The following PSMD7 variants were observed in gnomAD, a reference collection of about 807,000 sequenced individuals.
The protein encoded by PSMD7 is 26S proteasome non-ATPase regulatory subunit 7.
PSMD7 carries 13 observed loss-of-function variants against 36.4 expected under a neutral mutation model. That is an observed-to-expected ratio of 0.36 (90% CI 0.23 to 0.57). PSMD7 has a LOEUF of 0.57. PSMD7 is among the 20% of genes least tolerant of loss of function. The pLI is 0.83. For synonymous variants in PSMD7, 186 were observed against 151.0 expected, an observed-to-expected ratio of 1.23 and a Z score of -1.70; for missense variants, 298 against 393.6, an observed-to-expected ratio of 0.76 and a Z score of 2.06.
intron 1 of PSMD7, 84 bp downstream of exon 1, chr16:74,297,072 C>T: frequency 6.9e-7 from 1 of 1,445,462 alleles, no homozygotes; most frequent in Admixed American, 2.0e-5. Flanking sequence ...CGGCCGCGGA[C>T]GAGCTGGGGA....
chr16:74,305,102 G>A, intron 6 of PSMD7, 187 bp from the exon 7 acceptor site: 1 of 748,152 alleles, frequency 1.3e-6, no homozygotes, highest in Non-Finnish European at 2.0e-6. Context: ...GATAAAATGT[G>A]TTCCAAATGA....
chr16:74,304,576 A>C (rs902261068), intron 6 of PSMD7, 182 bp downstream of exon 6: 73 of 541,292 alleles, frequency 1.3e-4, no homozygotes, highest in Admixed American at 6.5e-5. Flanking sequence ...TGTAAATTGA[A>C]GTGTTTGAAC....
chr16:74,305,026 G>T, intron 6 of PSMD7: 1 of 422,240 alleles, frequency 2.4e-6, no homozygotes, highest in African/African-American at 2.0e-5. Context: ...TTTTCCTTAA[G>T]TGGAAATGGT....
intron 2 of PSMD7, 64 bp downstream of exon 2, chr16:74,300,270 T>C (rs1040733752): frequency 4.2e-6 from 6 of 1,436,314 alleles, no homozygotes; most frequent in Middle Eastern, 3.5e-4. Flanking sequence ...TTTAAAAATA[T>C]AAACCTTTGT....
chr16:74,296,884 G>T lies in PSMD7; in HGVS notation c.-31G>T, dbSNP rs751027831. The T allele has an allele frequency of 8.7e-6, 14 of 1,610,708 alleles. No homozygotes were observed. Among genetic ancestry groups the T allele is most frequent in the Admixed American group, 8.4e-5 (5 of 59,590 alleles). ...GCTGCCGGTGTTTGCGTGTGGCAGGGAGCCAGGCCTGGCGAGCGGGGTGTG... is the reference window on the plus strand; with the variant it reads ...GCTGCCGGTGTTTGCGTGTGGCAGGTAGCCAGGCCTGGCGAGCGGGGTGTG... On this transcript the variant is annotated 5_prime_UTR_variant, in exon 1 of 7. Coordinates refer to ENST00000219313, the MANE Select transcript of PSMD7 (RefSeq NM_002811.5).
At chr16:74,297,017 C>G in intron 1 of PSMD7, 29 bp downstream of exon 1, 1 of 1,600,108 alleles carries the variant, frequency 6.2e-7, no homozygotes, top group South Asian at 1.1e-5. Flanking sequence ...GCTGGGCCGG[C>G]GGCGCAGCCG....
rs537691210 is a variant in PSMD7, at chr16:74,303,728, CT to C, written c.439-562del. Among the ~76,000 whole-genome samples, 997 of 145,134 alleles carry C rather than the reference CT, an allele frequency of 6.9e-3. 3 individuals carry two copies. Among genetic ancestry groups the C allele is most frequent in the Middle Eastern group, 0.021 (6 of 286 alleles). On this transcript the variant is annotated intron_variant, in intron 5 of 6. Transcript: ENST00000219313. ...TGTCCATTCTAGAAAGAACTATATA[CT>C]TTTTTTTTTTTTAAGACAATCTCAC...
intron 6 of PSMD7, chr16:74,305,005 A>G (rs1005786797): frequency 2.8e-6 from 1 of 353,082 alleles, no homozygotes; most frequent in Non-Finnish European, 5.1e-6. Flanking sequence ...CTGTTGACCT[A>G]AGCAATTTTT....
In PSMD7 at chr16:74,305,774, C is replaced by T; in HGVS notation, c.*41C>T. The T allele has an allele frequency of 2.1e-6, 3 of 1,409,294 alleles. No individual in the cohort carries two copies. In the South Asian group the frequency reaches 5.0e-5, roughly 24 times the overall value. The allele number at this position is 1,409,294 out of a possible 1,614,324, so 87.3% of individuals were successfully genotyped here. A position where few individuals can be genotyped will look rare whatever the true frequency, so the allele number is the denominator to read the frequency against. On this transcript the variant is annotated 3_prime_UTR_variant, in exon 7 of 7. Transcript: ENST00000219313. The stretch of plus-strand genomic sequence containing the variant: ...GCTTTTTTAATTTGTAAATTAAAAT[C>T]TTACAAACTAAATCAGTGTGCTGCT...
intron 3 of PSMD7, 51 bp from the exon 4 acceptor site, chr16:74,301,504 G>T (rs767330139): frequency 6.0e-6 from 8 of 1,343,764 alleles, no homozygotes; most frequent in Non-Finnish European, 8.5e-6. Context: ...TGAGGGAGTT[G>T]TATAGATCTT....
chr16:74,302,332 A>T, intron 5 of PSMD7, 40 bp downstream of exon 5: 2 of 1,497,396 alleles, frequency 1.3e-6, no homozygotes, highest in Admixed American at 1.9e-5. Context: ...TTAGACTGCT[A>T]CTTATTGGGT....
rs772276586 is a variant in PSMD7, at chr16:74,305,485, CAGG to C, written c.730_732del (p.Glu244del). 3 of 1,614,124 alleles carry C rather than the reference CAGG, an allele frequency of 1.9e-6. No homozygotes were observed. The highest frequency in any genetic ancestry group is 2.2e-5 in the South Asian group (2 of 91,076). On this transcript the variant is annotated inframe_deletion, in exon 7 of 7. Coordinates refer to ENST00000219313, the MANE Select transcript of PSMD7 (RefSeq NM_002811.5). ...CAACCTGCTGCCAGATGTCAGCCTG[CAGG>C]AGTTCGTCAAGGCCTTTTACCTGAA...
rs2034190792 is a variant in PSMD7 at position 74,305,688 on chromosome 16, G to A, written c.930G>A (p.Lys310=). 2.0e-6 allele frequency: 3 copies of A among 1,485,244 alleles called. No homozygotes were observed. Among genetic ancestry groups the A allele is most frequent in the Admixed American group, 2.4e-5 (1 of 41,338 alleles). 92.0% of individuals were successfully genotyped at this position (1,485,244 alleles called of 1,614,324 possible). ...AGGACAAGGAGAAAGATAAAGATAA[G>A]GAAAAGAGTGATGTAAAGAAAGAGG... The part of the protein sequence containing the change: ...RKEDKEKDKD[K]EKSDVKKEEK... The change falls in exon 7 of 7, where the codon AAG becomes AAA. Residue 310 remains lysine, a synonymous_variant. Transcript: ENST00000219313.
intron 2 of PSMD7, 51 bp from the exon 3 acceptor site, chr16:74,301,001 G>A: frequency 2.6e-6 from 3 of 1,135,202 alleles, no homozygotes; most frequent in Non-Finnish European, 4.0e-6. Context: ...TGTGACCTGT[G>A]TTCTAGGTTT....
intron 1 of PSMD7, among the ~76,000 whole-genome samples, chr16:74,298,351 A>C (rs1191212606): frequency 6.6e-6 from 1 of 152,156 alleles, no homozygotes; most frequent in South Asian, 2.1e-4. Context: ...TTGAATTGGC[A>C]AATGTAAAGA....
chr16:74,305,253 C>T lies in PSMD7; in HGVS notation c.531-36C>T, dbSNP rs1008395402. The T allele has an allele frequency of 1.9e-6, 3 of 1,565,586 alleles. No individual in the cohort carries two copies. In the African/African-American group the frequency reaches 4.1e-5, roughly 21 times the overall value. On this transcript the variant is annotated intron_variant, in intron 6 of 6. Transcript: ENST00000219313. Reference sequence around the variant, plus strand: ...TGCCTGATAACATGGTACCCTGATGCCTTTTCCTGCCCTTTTTAACTGTGG... The same window carrying T: ...TGCCTGATAACATGGTACCCTGATGTCTTTTCCTGCCCTTTTTAACTGTGG...
intron 1 of PSMD7, among the ~76,000 whole-genome samples, chr16:74,298,176 A>C (rs978876406): frequency 6.6e-5 from 10 of 150,626 alleles, no homozygotes; most frequent in Non-Finnish European, 1.5e-4. Flanking sequence ...AAAAAAAAAA[A>C]GACCAGTTGG....
At chr16:74,298,730 C>T (rs1012996975) in intron 1 of PSMD7, among the ~76,000 whole-genome samples, 1 of 152,014 alleles carries the variant, frequency 6.6e-6, no homozygotes, top group South Asian at 2.1e-4. Context: ...AAAAATTAGC[C>T]AGGTGTGGTG....
chr16:74,301,033 C>CTTT lies in PSMD7; in HGVS notation c.167-12_167-10dup. The CTTT allele has an allele frequency of 6.5e-7, 1 of 1,544,170 alleles. No homozygotes were observed. The highest frequency in any genetic ancestry group is 8.9e-7 in the Non-Finnish European group (1 of 1,119,832). ...GTTTCTATCAAGCACCCTAAACTAA[C>CTTT]TTTTTTTTTCCTCTTTAGTTCCTTT... On this transcript the variant is annotated intron_variant, in intron 2 of 6. Coordinates refer to ENST00000219313, the MANE Select transcript of PSMD7 (RefSeq NM_002811.5).
Sources: allele counts gnomAD v4.1 joint callset (sites outside exome capture counted in the v4.1 genomes callset), GRCh38; gene constraint gnomAD v4.1.1; transcripts MANE v1.5; gene names NCBI Gene and HGNC (gene_info 2026-07-23, HGNC 2026-07-21).